Variants in CSMD2 observed in about 807,000 individuals in gnomAD.
The protein encoded by CSMD2 is CUB and sushi domain-containing protein 2.
CSMD2 carries 130 observed loss-of-function variants against 398.5 expected under a neutral mutation model. That is an observed-to-expected ratio of 0.33 (90% confidence interval 0.28 to 0.38). The LOEUF (loss-of-function observed/expected upper bound fraction) is 0.38. Ranked by LOEUF, CSMD2 falls within the 10% of genes least tolerant of loss-of-function variation. The probability of loss-of-function intolerance (pLI) is 1.00; values close to 1 mark genes in which losing one functional copy is unlikely to be tolerated. For synonymous variants in CSMD2, 1,828 were observed against 1,908.5 expected (o/e 0.96, Z 1.10); for missense variants, 3,829 against 4,764.9 (o/e 0.80, Z 5.78).
At chr1:33,749,856 T>C (rs951920661) in intron 13 of CSMD2, among the ~76,000 whole-genome samples, 8 of 152,230 alleles carry the variant, frequency 5.3e-5, no homozygotes, top group Middle Eastern at 3.2e-3. Context: ...GGTGGTTTCA[T>C]GGCCAGTGCT....
intron 50 of CSMD2, 43 bp from the exon 51 acceptor site, chr1:33,571,769 A>G (rs778121695): frequency 1.3e-5 from 18 of 1,377,262 alleles, no homozygotes. Flanking sequence ...TTACTTGATT[A>G]ATTCTGGAAG....
At chr1:33,540,983 G>A (rs2148594735) in intron 59 of CSMD2, 147 bp downstream of exon 59, 1 of 866,132 alleles carries the variant, frequency 1.2e-6, no homozygotes, top group African/African-American at 1.7e-5. Context: ...AGATGTTCAG[G>A]GGCCAGTTTT....
chr1:33,644,335 A>C (rs74671696), intron 29 of CSMD2, among the ~76,000 whole-genome samples: 1,737 of 152,306 alleles, frequency 0.011, 42 homozygotes, highest in African/African-American at 0.04. Flanking sequence ...GAGGAAGCTC[A>C]GGGGGTTTCT....
intron 1 of CSMD2, among the ~76,000 whole-genome samples, chr1:34,145,154 G>C (rs1041765256): frequency 2.0e-5 from 3 of 152,204 alleles, no homozygotes; most frequent in African/African-American, 7.2e-5. Context: ...GGATGAATGA[G>C]GGTAGCCTCA....
At chr1:33,713,452 C>T (rs1445021412) in intron 21 of CSMD2, among the ~76,000 whole-genome samples, 1 of 152,184 alleles carries the variant, frequency 6.6e-6, no homozygotes, top group Admixed American at 6.5e-5. Context: ...ATGGAAAATA[C>T]TCCATGAATG....
intron 1 of CSMD2, among the ~76,000 whole-genome samples, chr1:34,107,988 G>A (rs1169466879): frequency 1.3e-5 from 2 of 152,180 alleles, no homozygotes; most frequent in Non-Finnish European, 2.9e-5. Context: ...GCAGGACCAC[G>A]CCTGACTCAC....
At chr1:34,102,413 C>A (rs944539618) in intron 1 of CSMD2, among the ~76,000 whole-genome samples, 61 of 152,196 alleles carry the variant, frequency 4.0e-4, no homozygotes, top group African/African-American at 1.3e-3. Flanking sequence ...AGAAAGACTT[C>A]TCTCAACTAA....
intron 1 of CSMD2, among the ~76,000 whole-genome samples, chr1:34,093,343 C>T (rs1231351572): frequency 6.6e-6 from 1 of 152,178 alleles, no homozygotes; most frequent in Non-Finnish European, 1.5e-5. Flanking sequence ...CTCTAAAAAG[C>T]AGAGCGCCTC....
chr1:34,110,732 A>G (rs745975516), intron 1 of CSMD2, among the ~76,000 whole-genome samples: 4 of 152,126 alleles, frequency 2.6e-5, no homozygotes, highest in Non-Finnish European at 5.9e-5. Context: ...AACATACACG[A>G]GGGACTACCT....
intron 7 of CSMD2, among the ~76,000 whole-genome samples, chr1:33,823,828 G>A (rs553836316): frequency 1.3e-5 from 2 of 152,324 alleles, no homozygotes; most frequent in East Asian, 3.9e-4. Flanking sequence ...TTTGCAAAGA[G>A]CATTTGCATT....
chr1:33,722,180 T>C (rs1646379740), intron 19 of CSMD2, among the ~76,000 whole-genome samples: 1 of 152,240 alleles, frequency 6.6e-6, no homozygotes, highest in Admixed American at 6.5e-5. Context: ...AGCTAAATCT[T>C]GATGTAGAGT....
intron 41 of CSMD2, among the ~76,000 whole-genome samples, chr1:33,606,915 T>C (rs1047462997): frequency 1.3e-5 from 2 of 152,126 alleles, no homozygotes; most frequent in Non-Finnish European, 2.9e-5. Context: ...GTTGGCCATA[T>C]AAGGCAGAAA....
chr1:33,891,872 G>A (rs966393606), intron 5 of CSMD2, among the ~76,000 whole-genome samples: 1 of 132,446 alleles, frequency 7.6e-6, no homozygotes, highest in Non-Finnish European at 1.6e-5. Context: ...ACACAGGAAG[G>A]GGAACATCAC....
chr1:33,563,799 G>T (rs1026773393), intron 53 of CSMD2, among the ~76,000 whole-genome samples: 1 of 152,246 alleles, frequency 6.6e-6, no homozygotes, highest in East Asian at 1.9e-4. Context: ...ACAGCTGTAT[G>T]GAGAAAGGGC....
chr1:33,874,932 T>A (rs900150751), intron 5 of CSMD2, among the ~76,000 whole-genome samples: 1 of 152,178 alleles, frequency 6.6e-6, no homozygotes, highest in Admixed American at 6.5e-5. Flanking sequence ...TGCGAGTACA[T>A]TTGTGATGAA....
At chr1:33,940,083 G>A (rs528312202) in intron 3 of CSMD2, among the ~76,000 whole-genome samples, 1 of 152,320 alleles carries the variant, frequency 6.6e-6, no homozygotes, top group African/African-American at 2.4e-5. Flanking sequence ...TGATCTCTTT[G>A]AAACTTGTAG....
intron 15 of CSMD2, among the ~76,000 whole-genome samples, chr1:33,730,945 T>C (rs1440497893): frequency 6.6e-6 from 1 of 152,134 alleles, no homozygotes; most frequent in African/African-American, 2.4e-5. Context: ...TGCCCAAATT[T>C]TAAATATCAG....
intron 3 of CSMD2, among the ~76,000 whole-genome samples, chr1:33,992,485 G>T (rs1570742024): frequency 6.6e-6 from 1 of 151,900 alleles, no homozygotes; most frequent in Non-Finnish European, 1.5e-5. Flanking sequence ...CAAAGTGTTG[G>T]GATTACAGGC....
intron 25 of CSMD2, among the ~76,000 whole-genome samples, chr1:33,680,685 C>G (rs72892828): frequency 3.9e-5 from 6 of 152,096 alleles, no homozygotes; most frequent in African/African-American, 7.2e-5. Flanking sequence ...TCCTCTCCCC[C>G]CATTCTCTTT....
Sources: gnomAD v4.1 joint callset for allele counts (sites outside exome capture counted in the v4.1 genomes callset) on GRCh38, gnomAD v4.1.1 for gene constraint, MANE v1.5 for transcripts, NCBI Gene and HGNC (gene_info 2026-07-23, HGNC 2026-07-21) for gene names.